FCHSD2: variants seen among roughly 807,000 people sequenced by gnomAD.
The protein encoded by FCHSD2 is F-BAR and double SH3 domains protein 2.
In FCHSD2, 38 loss-of-function variants were observed where a neutral mutation model predicts 108.1. The ratio of observed to expected loss-of-function variants is 0.35; its 90% CI spans 0.27 to 0.46. FCHSD2 has a LOEUF of 0.46. Among genes scored for constraint, FCHSD2 ranks in the 20% least tolerant of loss-of-function variants. FCHSD2 has a pLI of 1.00. For missense variants in FCHSD2, 751 were observed against 897.8 expected, an observed-to-expected ratio of 0.84 and a Z score of 2.09; for synonymous variants, 279 against 314.7, an observed-to-expected ratio of 0.89 and a Z score of 1.20.
chr11:73,006,073 A>ATT (rs575155020), intron 4 of FCHSD2, among the ~76,000 whole-genome samples: 22 of 147,296 alleles, frequency 1.5e-4, no homozygotes, highest in African/African-American at 5.0e-4. Context: ...GCATGTGGCT[A>ATT]TTTTTTTTTT....
At chr11:73,035,446 G>A (rs1276039516) in intron 3 of FCHSD2, among the ~76,000 whole-genome samples, 2 of 151,804 alleles carry the variant, frequency 1.3e-5, no homozygotes, top group African/African-American at 4.8e-5. Flanking sequence ...TGGGATTACA[G>A]GCATGAGCCA....
intron 5 of FCHSD2, among the ~76,000 whole-genome samples, chr11:72,997,825 C>G (rs1201349608): frequency 2.0e-5 from 3 of 152,260 alleles, no homozygotes; most frequent in Admixed American, 6.5e-5. Context: ...CTCAACCTCC[C>G]AAGTAGCTGG....
At chr11:73,069,129 G>A (rs1162849468) in intron 3 of FCHSD2, among the ~76,000 whole-genome samples, 1 of 150,804 alleles carries the variant, frequency 6.6e-6, no homozygotes, top group Non-Finnish European at 1.5e-5. Context: ...TGGCCAAAAT[G>A]GTGAAACCCC....
At chr11:72,916,744 C>T (rs1420190457) in intron 9 of FCHSD2, among the ~76,000 whole-genome samples, 7 of 152,108 alleles carry the variant, frequency 4.6e-5, no homozygotes, top group Non-Finnish European at 1.0e-4. Context: ...GGGTTGATTT[C>T]ACATTCTTAA....
At chr11:73,087,619 T>A (rs1859852582) in intron 2 of FCHSD2, among the ~76,000 whole-genome samples, 1 of 151,552 alleles carries the variant, frequency 6.6e-6, no homozygotes. Context: ...GCAGGAGAAT[T>A]GCTTGAACCC....
chr11:72,872,985 T>C (rs959864935), intron 12 of FCHSD2, among the ~76,000 whole-genome samples: 10 of 152,218 alleles, frequency 6.6e-5, no homozygotes, highest in Admixed American at 2.6e-4. Context: ...TGCTAGTGGA[T>C]ATAAAGTGGT....
intron 12 of FCHSD2, among the ~76,000 whole-genome samples, chr11:72,886,144 C>T (rs923499481): frequency 2.6e-5 from 4 of 152,126 alleles, no homozygotes; most frequent in African/African-American, 7.2e-5. Context: ...TGCAGGGATT[C>T]CTTGTATTGG....
At chr11:72,882,058 T>C (rs1011651583) in intron 12 of FCHSD2, among the ~76,000 whole-genome samples, 5 of 151,842 alleles carry the variant, frequency 3.3e-5, no homozygotes, top group Non-Finnish European at 7.4e-5. Context: ...GGCGGGAGAA[T>C]GGCATGAAGC....
intron 16 of FCHSD2, 152 bp from the exon 17 acceptor site, chr11:72,842,993 A>G: frequency 1.2e-6 from 1 of 864,962 alleles, no homozygotes; most frequent in Non-Finnish European, 1.8e-6. Context: ...GATTAACTTT[A>G]GGGTTCTACT....
chr11:72,985,097 GA>G lies in FCHSD2; in HGVS notation c.540del (p.Gln181AsnfsTer11). The G allele has an allele frequency of 1.6e-6, 2 of 1,237,290 alleles. No homozygotes were observed. Among genetic ancestry groups the G allele is most frequent in the Non-Finnish European group, 2.3e-6 (2 of 866,144 alleles). 76.6% of individuals were successfully genotyped at this position (1,237,290 alleles called of 1,614,324 possible). ...DIEAKSKLSL[F>X]QSRISLQKAS... ...GCCTTCTGTAAACTGATTCTTGATT[GA>G]AAAAGACTAAGTTTAGATCTATAAT... On this transcript the variant is annotated frameshift_variant, in exon 7 of 20. Transcript: ENST00000409418. LOFTEE classifies it high-confidence loss of function.
chr11:72,932,503 T>C (rs1346980324), intron 8 of FCHSD2, among the ~76,000 whole-genome samples: 1 of 152,240 alleles, frequency 6.6e-6, no homozygotes, highest in Admixed American at 6.5e-5. Context: ...GTATTACACC[T>C]TCTCTACAAT....
intron 9 of FCHSD2, among the ~76,000 whole-genome samples, chr11:72,909,959 C>G (rs1252067347): frequency 1.4e-5 from 2 of 143,476 alleles, no homozygotes; most frequent in Non-Finnish European, 3.0e-5. Flanking sequence ...GCCCAGCTGC[C>G]CATTGTCTGG....
intron 12 of FCHSD2, among the ~76,000 whole-genome samples, chr11:72,884,070 T>G (rs1378634071): frequency 1.3e-5 from 2 of 152,162 alleles, no homozygotes; most frequent in East Asian, 3.8e-4. Context: ...AAAGATCTGG[T>G]AGCACACCAC....
chr11:72,966,164 A>T (rs950761497), intron 8 of FCHSD2, among the ~76,000 whole-genome samples: 2 of 146,114 alleles, frequency 1.4e-5, no homozygotes. Context: ...CTTTGAACTG[A>T]GCCTTTTTTT....
chr11:73,137,704 AG>A (rs1284611398), intron 2 of FCHSD2, among the ~76,000 whole-genome samples: 1 of 152,202 alleles, frequency 6.6e-6, no homozygotes, highest in African/African-American at 2.4e-5. Flanking sequence ...CAGGTGAAAA[AG>A]TGGGAGGAAG....
intron 2 of FCHSD2, among the ~76,000 whole-genome samples, chr11:73,084,539 C>A (rs1859770050): frequency 6.6e-6 from 1 of 152,108 alleles, no homozygotes; most frequent in African/African-American, 2.4e-5. Context: ...TACAGGTGCA[C>A]ACCACCACAT....
At chr11:72,880,099 A>G (rs964738235) in intron 12 of FCHSD2, among the ~76,000 whole-genome samples, 5 of 151,648 alleles carry the variant, frequency 3.3e-5, no homozygotes, top group Non-Finnish European at 5.9e-5. Context: ...ACCACCCAAA[A>G]AACAAAAAAA....
intron 3 of FCHSD2, among the ~76,000 whole-genome samples, chr11:73,058,258 G>A (rs1230564757): frequency 1.3e-5 from 2 of 152,162 alleles, no homozygotes; most frequent in Admixed American, 1.3e-4. Flanking sequence ...CAGCAACCTG[G>A]CATTAACACT....
chr11:73,008,289 A>T (rs1419600532), intron 4 of FCHSD2, among the ~76,000 whole-genome samples: 1 of 152,206 alleles, frequency 6.6e-6, no homozygotes, highest in African/African-American at 2.4e-5. Flanking sequence ...CAGTGGGCCA[A>T]GACTGTACCA....
Sources: gnomAD v4.1 joint callset for allele counts (sites outside exome capture counted in the v4.1 genomes callset) on GRCh38, gnomAD v4.1.1 for gene constraint, MANE v1.5 for transcripts, NCBI Gene and HGNC (gene_info 2026-07-23, HGNC 2026-07-21) for gene names.